TBC1D5: variants seen among roughly 807,000 people sequenced by gnomAD.
The protein encoded by TBC1D5 is TBC1 domain family member 5.
Under a neutral mutation model 100.3 loss-of-function variants are expected in TBC1D5, and 75 were observed. That is an observed-to-expected ratio of 0.75 (90% CI 0.62 to 0.91). The LOEUF is 0.91. Among genes scored for constraint, TBC1D5 ranks in the 40% least tolerant of loss-of-function variants. The probability of loss-of-function intolerance (pLI) is 0.00; values close to 1 mark genes in which losing one functional copy is unlikely to be tolerated. For missense variants in TBC1D5, 910 were observed against 942.4 expected (o/e 0.97, Z 0.45); for synonymous variants, 323 against 325.6 (o/e 0.99, Z 0.09).
chr3:17,213,733 CAAAAAAAAAAAAAAA>C (rs71632897), intron 18 of TBC1D5, among the ~76,000 whole-genome samples: 1 of 61,050 alleles, frequency 1.6e-5, no homozygotes, highest in East Asian at 1.0e-3. Flanking sequence ...GACTCTGTCT[CAAAAAAAAAAAAAAA>C]AAAAAAAAAA....
At chr3:17,712,498 T>A (rs2074837791) in intron 1 of TBC1D5, among the ~76,000 whole-genome samples, 1 of 152,178 alleles carries the variant, frequency 6.6e-6, no homozygotes, top group Non-Finnish European at 1.5e-5. Flanking sequence ...TACATGTATT[T>A]CTAGAAGAAA....
chr3:17,511,114 G>A lies in TBC1D5; in HGVS notation c.-35-2509C>T, dbSNP rs569694771. Among the ~76,000 whole-genome samples the A allele has an allele frequency of 6.6e-5, 10 of 152,092 alleles. No individual in the cohort carries two copies. The East Asian group carries it at 1.9e-3, about 29-fold the overall frequency. On this transcript the variant is annotated intron_variant, in intron 2 of 21. Coordinates refer to ENST00000253692, the Ensembl canonical transcript of TBC1D5. ...GCTTCAGCTTTTTCAAGACAAGCTAGAAATCAAAAATTTTATGTGAAATCT... is the reference window on the plus strand; with the variant it reads ...GCTTCAGCTTTTTCAAGACAAGCTAAAAATCAAAAATTTTATGTGAAATCT...
intron 3 of TBC1D5, among the ~76,000 whole-genome samples, chr3:17,496,830 A>G (rs2095713339): frequency 6.6e-6 from 1 of 152,224 alleles, no homozygotes; most frequent in African/African-American, 2.4e-5. Context: ...GGAGTTCAAC[A>G]GAGATAACAA....
chr3:17,296,009 A>C (rs557783128), intron 14 of TBC1D5, among the ~76,000 whole-genome samples: 1 of 152,278 alleles, frequency 6.6e-6, no homozygotes, highest in Non-Finnish European at 1.5e-5. Flanking sequence ...GTGTAGACTG[A>C]AAGCCTCACA....
intron 17 of TBC1D5, among the ~76,000 whole-genome samples, chr3:17,217,082 T>C (rs766911055): frequency 2.6e-5 from 4 of 152,162 alleles, no homozygotes; most frequent in Non-Finnish European, 4.4e-5. Context: ...CTTCTGGCTC[T>C]ATGAATTTGC....
chr3:17,606,265 G>A (rs941233145), intron 2 of TBC1D5, among the ~76,000 whole-genome samples: 2 of 152,048 alleles, frequency 1.3e-5, no homozygotes, highest in African/African-American at 4.8e-5. Flanking sequence ...AACATAGAGT[G>A]ACACCAGCTC....
At chr3:17,366,550 G>A (rs2092141406) in intron 13 of TBC1D5, among the ~76,000 whole-genome samples, 2 of 151,972 alleles carry the variant, frequency 1.3e-5, no homozygotes, top group African/African-American at 4.8e-5. Context: ...TCATTGGATC[G>A]TCACTTTCTA....
At chr3:17,543,992 C>A (rs773632981) in intron 2 of TBC1D5, among the ~76,000 whole-genome samples, 12 of 151,934 alleles carry the variant, frequency 7.9e-5, no homozygotes, top group Admixed American at 7.9e-4. Context: ...CTCAGCCTCC[C>A]GAGTAGCTAA....
intron 2 of TBC1D5, among the ~76,000 whole-genome samples, chr3:17,602,874 C>T (rs1243464247): frequency 3.3e-5 from 5 of 151,900 alleles, no homozygotes; most frequent in Non-Finnish European, 5.9e-5. Flanking sequence ...CGTGCCCGGC[C>T]GACAATCAGA....
chr3:17,633,360 T>C (rs1480012914), intron 1 of TBC1D5, among the ~76,000 whole-genome samples: 3 of 151,944 alleles, frequency 2.0e-5, no homozygotes, highest in African/African-American at 7.3e-5. Context: ...TGCTGGAACC[T>C]GGGAGGCAGA....
intron 3 of TBC1D5, among the ~76,000 whole-genome samples, chr3:17,475,215 T>C (rs1460561625): frequency 6.7e-6 from 1 of 149,626 alleles, no homozygotes; most frequent in Non-Finnish European, 1.5e-5. Flanking sequence ...TCTAACACCA[T>C]CTGCATGGTA....
At chr3:17,449,352 C>A (rs749022977) in intron 3 of TBC1D5, among the ~76,000 whole-genome samples, 3 of 152,084 alleles carry the variant, frequency 2.0e-5, no homozygotes, top group Admixed American at 6.5e-5. Context: ...TTTTTTCATA[C>A]CCTAGTGGCA....
chr3:17,552,635 A>G (rs2096483662), intron 2 of TBC1D5, among the ~76,000 whole-genome samples: 1 of 152,144 alleles, frequency 6.6e-6, no homozygotes. Context: ...GAGACAGAAA[A>G]TAAACAAATA....
intron 1 of TBC1D5, among the ~76,000 whole-genome samples, chr3:17,675,198 A>G (rs1459239413): frequency 6.6e-6 from 1 of 151,798 alleles, no homozygotes; most frequent in Non-Finnish European, 1.5e-5. Flanking sequence ...TGAGTTACAG[A>G]TAACTCAGAC....
intron 13 of TBC1D5, among the ~76,000 whole-genome samples, chr3:17,319,309 C>A (rs750944088): frequency 2.0e-5 from 3 of 152,180 alleles, no homozygotes; most frequent in Non-Finnish European, 4.4e-5. Flanking sequence ...AATCCGTGAT[C>A]TCTTCTGAAG....
chr3:17,658,305 T>C lies in TBC1D5; in HGVS notation c.-100-34392A>G, dbSNP rs935216521. 2.0e-5 allele frequency among the ~76,000 whole-genome samples: 3 copies of C among 152,234 alleles called. No homozygotes were observed. In the East Asian group the frequency reaches 5.8e-4, roughly 29 times the overall value. ...TTCCTGCTATATATACTACTATTACTGTCCACATGCTAAAAGTATAAAGAT... is the reference window on the plus strand; with the variant it reads ...TTCCTGCTATATATACTACTATTACCGTCCACATGCTAAAAGTATAAAGAT... On this transcript the variant is annotated intron_variant, in intron 1 of 21. Transcript: ENST00000253692.
At chr3:17,339,470 C>T (rs1224744721) in intron 13 of TBC1D5, among the ~76,000 whole-genome samples, 1 of 152,106 alleles carries the variant, frequency 6.6e-6, no homozygotes, top group South Asian at 2.1e-4. Context: ...ATCTGATGAC[C>T]CATCAAGCTA....
chr3:17,433,360 T>C (rs989055867), intron 3 of TBC1D5, among the ~76,000 whole-genome samples: 1 of 152,120 alleles, frequency 6.6e-6, no homozygotes, highest in African/African-American at 2.4e-5. Context: ...GACTCGCAGT[T>C]CCACATGCCT....
At chr3:17,570,920 T>C (rs1033422067) in intron 2 of TBC1D5, among the ~76,000 whole-genome samples, 1 of 152,030 alleles carries the variant, frequency 6.6e-6, no homozygotes, top group Non-Finnish European at 1.5e-5. Flanking sequence ...TACATTTCCT[T>C]AATCAGTTAA....
Sources: gnomAD v4.1 joint callset for allele counts (sites outside exome capture counted in the v4.1 genomes callset) on GRCh38, gnomAD v4.1.1 for gene constraint, MANE v1.5 for transcripts, NCBI Gene and HGNC (gene_info 2026-07-23, HGNC 2026-07-21) for gene names.